FAM3C: variants seen among roughly 807,000 people sequenced by gnomAD.
FAM3C encodes protein FAM3C.
In FAM3C, 15 loss-of-function variants were observed where a neutral mutation model predicts 32.5. The observed-to-expected ratio is 0.46, with a 90% CI of 0.31 to 0.71. The LOEUF is 0.71. Among genes scored for constraint, FAM3C ranks in the 30% least tolerant of loss-of-function variants. FAM3C has a pLI of 0.05. For missense variants in FAM3C, 175 were observed against 274.4 expected (o/e 0.64, Z 2.56); for synonymous variants, 75 against 86.1 (o/e 0.87, Z 0.72).
intron 1 of FAM3C, among the ~76,000 whole-genome samples, chr7:121,393,194 A>C: frequency 6.6e-6 from 1 of 152,160 alleles, no homozygotes; most frequent in Admixed American, 6.5e-5. Flanking sequence ...ATAGGGGCTC[A>C]TGTCTGTAAT....
chr7:121,366,798 CAA>C (rs1794032458), intron 5 of FAM3C, among the ~76,000 whole-genome samples: 1 of 152,230 alleles, frequency 6.6e-6, no homozygotes, highest in East Asian at 1.9e-4. Context: ...TCAGCTGCAT[CAA>C]AGAGAAGGAA....
At chr7:121,379,994 C>A (rs992338265) in intron 2 of FAM3C, among the ~76,000 whole-genome samples, 2 of 152,196 alleles carry the variant, frequency 1.3e-5, no homozygotes, top group African/African-American at 4.8e-5. Flanking sequence ...TCAAGAGCAA[C>A]TTACAAGTTG....
At position 121,349,577 on chromosome 7, in the gene FAM3C, T is replaced by C. The variant is rs1398103671; in HGVS notation, c.*884A>G. The C allele has an allele frequency of 3.9e-5, 6 of 152,178 alleles. No homozygotes were observed. The highest frequency in any genetic ancestry group is 1.4e-4 in the African/African-American group (6 of 41,460). 9.4% of individuals were successfully genotyped at this position (152,178 alleles called of 1,614,324 possible). On this transcript the variant is annotated 3_prime_UTR_variant, in exon 10 of 10. Coordinates refer to ENST00000359943, the MANE Select transcript of FAM3C (RefSeq NM_014888.3). ...TTCTTGGTTTACAAATCAAAATTAT[T>C]GTGATATTAAAGCATGCCTCCTTCC... is the stretch of plus-strand genomic sequence containing the variant.
At chr7:121,364,273 A>G (rs1431313098) in intron 5 of FAM3C, 85 bp from the exon 6 acceptor site, 6 of 880,192 alleles carry the variant, frequency 6.8e-6, no homozygotes, top group Non-Finnish European at 9.2e-6. Flanking sequence ...AAAAAAAGTT[A>G]GGAATATTAT....
chr7:121,379,938 C>T (rs1794316335), intron 2 of FAM3C, among the ~76,000 whole-genome samples: 1 of 152,186 alleles, frequency 6.6e-6, no homozygotes, highest in Non-Finnish European at 1.5e-5. Context: ...CCCTGCCTCC[C>T]TTTTCCATTT....
At chr7:121,373,012 T>C (rs1407302498) in intron 3 of FAM3C, among the ~76,000 whole-genome samples, 3 of 152,136 alleles carry the variant, frequency 2.0e-5, no homozygotes, top group African/African-American at 2.4e-5. Context: ...ATTAACTCAA[T>C]AGAACACTCA....
intron 1 of FAM3C, among the ~76,000 whole-genome samples, chr7:121,394,924 G>A (rs887281771): frequency 3.3e-5 from 5 of 152,184 alleles, no homozygotes; most frequent in African/African-American, 1.2e-4. Flanking sequence ...AATAGTAACG[G>A]TTCCCAAGAC....
At chr7:121,352,042 A>C (rs1793717394) in intron 8 of FAM3C, among the ~76,000 whole-genome samples, 1 of 152,202 alleles carries the variant, frequency 6.6e-6, no homozygotes, top group African/African-American at 2.4e-5. Flanking sequence ...GAAAAAATTA[A>C]GGGCTACTTG....
intron 3 of FAM3C, among the ~76,000 whole-genome samples, chr7:121,375,017 T>A (rs1399943794): frequency 6.6e-6 from 1 of 152,140 alleles, no homozygotes; most frequent in South Asian, 2.1e-4. Context: ...CACCCAGTGC[T>A]AGATGCTGGG....
chr7:121,392,325 C>A (rs1328789654), intron 1 of FAM3C, among the ~76,000 whole-genome samples: 1 of 152,122 alleles, frequency 6.6e-6, no homozygotes, highest in Non-Finnish European at 1.5e-5. Context: ...AGGAAACTTA[C>A]AATCATGGAG....
chr7:121,383,043 A>T, intron 1 of FAM3C, 33 bp from the exon 2 acceptor site: 1 of 1,151,622 alleles, frequency 8.7e-7, no homozygotes, highest in Non-Finnish European at 1.3e-6. Flanking sequence ...AAATATCATT[A>T]GCTCTAGAGC....
intron 1 of FAM3C, 50 bp downstream of exon 1, chr7:121,396,112 T>A (rs138090420): frequency 0.027 from 4,149 of 151,548 alleles, 82 homozygotes; most frequent in Non-Finnish European, 0.042. Flanking sequence ...GCCTCCTCCA[T>A]CCCTCCCCGA....
chr7:121,392,799 C>T (rs13438125), intron 1 of FAM3C, among the ~76,000 whole-genome samples: 5,336 of 151,980 alleles, frequency 0.035, 329 homozygotes, highest in African/African-American at 0.12. Context: ...AAATGCAGTA[C>T]GTATCAACGA....
chr7:121,362,539 T>C (rs2536165), intron 7 of FAM3C, among the ~76,000 whole-genome samples: 38,630 of 151,930 alleles, frequency 0.25, 5,864 homozygotes, highest in African/African-American at 0.43. Context: ...AATGCTTACA[T>C]TGGTTATTCT....
chr7:121,380,772 C>T (rs956988017), intron 2 of FAM3C, among the ~76,000 whole-genome samples: 2 of 120,238 alleles, frequency 1.7e-5, no homozygotes, highest in Admixed American at 1.6e-4. Context: ...TCACATATAC[C>T]GTTTACTTAG....
At chr7:121,374,397 T>C (rs917121570) in intron 3 of FAM3C, among the ~76,000 whole-genome samples, 8 of 152,246 alleles carry the variant, frequency 5.3e-5, no homozygotes, top group Non-Finnish European at 1.0e-4. Context: ...AAATGTGTTT[T>C]ATTTTTCTAA....
At chr7:121,361,769 C>T (rs374312001) in intron 7 of FAM3C, among the ~76,000 whole-genome samples, 6 of 152,156 alleles carry the variant, frequency 3.9e-5, no homozygotes, top group Admixed American at 2.6e-4. Context: ...TCTGCCTCCC[C>T]GGTTCAAGGG....
chr7:121,395,256 CATACAT>C (rs1794662423), intron 1 of FAM3C, among the ~76,000 whole-genome samples: 1 of 138,638 alleles, frequency 7.2e-6, no homozygotes, highest in Non-Finnish European at 1.5e-5. Flanking sequence ...TATATGGATA[CATACAT>C]ATATATGGAT....
intron 3 of FAM3C, among the ~76,000 whole-genome samples, chr7:121,373,884 C>T (rs996588314): frequency 1.3e-5 from 2 of 150,864 alleles, no homozygotes; most frequent in Non-Finnish European, 3.0e-5. Context: ...AAAAATTAGC[C>T]GGGCGTGGTG....
Sources: allele counts gnomAD v4.1 joint callset (sites outside exome capture counted in the v4.1 genomes callset), GRCh38; gene constraint gnomAD v4.1.1; transcripts MANE v1.5; gene names NCBI Gene and HGNC (gene_info 2026-07-23, HGNC 2026-07-21).